CCDC178: variants seen among roughly 807,000 people sequenced by gnomAD.
The protein encoded by CCDC178 is coiled-coil domain containing 178.
Under a neutral mutation model 117.4 loss-of-function variants are expected in CCDC178, and 126 were observed. That is an observed-to-expected ratio of 1.07 (90% CI 0.93 to 1.24). CCDC178 has a LOEUF of 1.24. Ranked by LOEUF, CCDC178 falls within the 50% of genes most tolerant of loss-of-function variation. The pLI, the probability that CCDC178 is intolerant of heterozygous loss-of-function variation, is 0.00. For synonymous variants in CCDC178, 283 were observed against 313.4 expected (o/e 0.90, Z 1.02); for missense variants, 1,030 against 986.9 (o/e 1.04, Z -0.59).
In CCDC178 at chr18:33,348,975, C is replaced by T. The variant is rs754459022; in HGVS notation, c.372G>A (p.Trp124Ter). 1.3e-6 allele frequency: 2 copies of T among 1,597,998 alleles called. No individual in the cohort carries two copies. The highest frequency in any genetic ancestry group is 2.2e-5 in the South Asian group (2 of 88,988). The part of the protein sequence containing the change: ...LKRFETSFEE[W>*]SRTSSTKDLK... ...GGTCTTTTGTGGAAGAAGTTCTGCTCCTATATAATGGGAAAGAAGCAAGCA... is the reference window on the plus strand; with the variant it reads ...GGTCTTTTGTGGAAGAAGTTCTGCTTCTATATAATGGGAAAGAAGCAAGCA... The change falls in exon 8 of 23, where the codon TGG (tryptophan) becomes TGA (stop). Residue 124 changes from tryptophan to a stop codon, truncating the protein, a stop_gained and splice_region_variant. Transcript: ENST00000383096. LOFTEE classifies it high-confidence loss of function.
chr18:33,027,042 T>C (rs1015618383), intron 21 of CCDC178, among the ~76,000 whole-genome samples: 1 of 151,838 alleles, frequency 6.6e-6, no homozygotes, highest in African/African-American at 2.4e-5. Context: ...ATCTTGGGGA[T>C]TCAAAATAAT....
intron 11 of CCDC178, among the ~76,000 whole-genome samples, chr18:33,314,989 G>C (rs2144969472): frequency 6.6e-6 from 1 of 152,284 alleles, no homozygotes; most frequent in South Asian, 2.1e-4. Context: ...CCCCAGAGAA[G>C]TCAAAATGTT....
At chr18:33,192,901 CAA>C (rs3046443) in intron 20 of CCDC178, among the ~76,000 whole-genome samples, 16,440 of 96,220 alleles carry the variant, frequency 0.17, 1,046 homozygotes, top group African/African-American at 0.22. Flanking sequence ...AACTCCGTCT[CAA>C]AAAAAAAAAA....
intron 21 of CCDC178, among the ~76,000 whole-genome samples, chr18:33,018,170 G>C (rs988392194): frequency 6.6e-6 from 1 of 151,930 alleles, no homozygotes; most frequent in African/African-American, 2.4e-5. Context: ...TGACTAATAA[G>C]CACAGGTAAT....
At position 33,226,794 on chromosome 18, in the gene CCDC178, T is replaced by G; in HGVS notation, c.1655A>C (p.Gln552Pro). The change falls in exon 16 of 23, where the codon CAG becomes CCG. Residue 552 changes from glutamine (Q) to proline (P), a missense_variant and splice_region_variant. Physicochemically the swap from Gln to Pro is moderately conservative, Grantham distance 76. Transcript: ENST00000383096. ...QGEVAAGMVL[Q>P]KKLYSIYEVQ... ...ATATTAAAACCAAATCAGTATTACC[T>G]GAAGCACCATTCCAGCAGCCACTTC... 1 of 1,576,500 alleles carries G rather than the reference T, an allele frequency of 6.3e-7. No homozygotes were observed. Among genetic ancestry groups the G allele is most frequent in the Non-Finnish European group, 8.6e-7 (1 of 1,156,242 alleles).
At chr18:33,203,524 C>A (rs895402115) in intron 20 of CCDC178, among the ~76,000 whole-genome samples, 4 of 151,998 alleles carry the variant, frequency 2.6e-5, no homozygotes, top group Admixed American at 2.6e-4. Context: ...ACTTCATTAT[C>A]TTATTATTAT....
intron 21 of CCDC178, among the ~76,000 whole-genome samples, chr18:33,053,989 T>G (rs1217053525): frequency 6.6e-6 from 1 of 152,172 alleles, no homozygotes; most frequent in Non-Finnish European, 1.5e-5. Context: ...CTATTTATGC[T>G]CTAAAACTTA....
intron 21 of CCDC178, among the ~76,000 whole-genome samples, chr18:33,035,008 A>C (rs2056416733): frequency 1.3e-5 from 2 of 152,062 alleles, no homozygotes; most frequent in East Asian, 3.9e-4. Flanking sequence ...AATTACTTAA[A>C]AGGCAGTGTG....
At chr18:33,101,790 C>T (rs2057631956) in intron 20 of CCDC178, among the ~76,000 whole-genome samples, 1 of 151,848 alleles carries the variant, frequency 6.6e-6, no homozygotes, top group Non-Finnish European at 1.5e-5. Flanking sequence ...GGTTCCAGAA[C>T]ACATATTATG....
chr18:32,999,713 CT>C (rs1263500180), intron 21 of CCDC178, among the ~76,000 whole-genome samples: 1 of 152,084 alleles, frequency 6.6e-6, no homozygotes, highest in Non-Finnish European at 1.5e-5. Flanking sequence ...TGAGAAAATT[CT>C]TTTAGATTTT....
At chr18:33,374,406 A>G (rs995014989) in intron 5 of CCDC178, among the ~76,000 whole-genome samples, 1 of 152,216 alleles carries the variant, frequency 6.6e-6, no homozygotes, top group East Asian at 1.9e-4. Flanking sequence ...ATAGTCATCA[A>G]GAAAATGCAC....
At chr18:33,310,463 A>G (rs1485345898) in intron 11 of CCDC178, among the ~76,000 whole-genome samples, 1 of 152,120 alleles carries the variant, frequency 6.6e-6, no homozygotes, top group Non-Finnish European at 1.5e-5. Context: ...GGCCAAGGGT[A>G]GATTGCTTGA....
chr18:33,237,784 A>C (rs1313036142), intron 15 of CCDC178, among the ~76,000 whole-genome samples: 1 of 151,936 alleles, frequency 6.6e-6, no homozygotes, highest in Non-Finnish European at 1.5e-5. Flanking sequence ...AAAAAACAAA[A>C]AAAAAAACAT....
chr18:33,019,305 T>C (rs1243493005), intron 21 of CCDC178, among the ~76,000 whole-genome samples: 7 of 152,272 alleles, frequency 4.6e-5, no homozygotes, highest in East Asian at 1.9e-4. Flanking sequence ...AGCAAGTGAA[T>C]TGATAAAAAG....
At chr18:33,074,700 G>T (rs568136062) in intron 21 of CCDC178, among the ~76,000 whole-genome samples, 1 of 152,124 alleles carries the variant, frequency 6.6e-6, no homozygotes, top group African/African-American at 2.4e-5. Context: ...GTGGTAAACA[G>T]TGATCAAATA....
chr18:33,309,917 T>A (rs1292348155), intron 11 of CCDC178, among the ~76,000 whole-genome samples: 1 of 150,828 alleles, frequency 6.6e-6, no homozygotes, highest in East Asian at 1.9e-4. Context: ...AAATGATTGT[T>A]TTTTTTTTCT....
chr18:32,972,867 T>C (rs1194195732), intron 22 of CCDC178, among the ~76,000 whole-genome samples: 2 of 152,202 alleles, frequency 1.3e-5, no homozygotes, highest in South Asian at 2.1e-4. Flanking sequence ...AAATTGTATT[T>C]TCACATTTTT....
chr18:33,410,110 G>A (rs936054919), intron 3 of CCDC178, among the ~76,000 whole-genome samples: 1 of 152,182 alleles, frequency 6.6e-6, no homozygotes, highest in Non-Finnish European at 1.5e-5. Flanking sequence ...GCAAACGAGT[G>A]TAGACTGGAT....
At chr18:32,950,757 T>G (rs1218993765) in intron 22 of CCDC178, among the ~76,000 whole-genome samples, 3 of 152,170 alleles carry the variant, frequency 2.0e-5, no homozygotes, top group Non-Finnish European at 4.4e-5. Flanking sequence ...TTTAGTAATT[T>G]TAGGAAAATA....
Sources: gnomAD v4.1 joint callset for allele counts (sites outside exome capture counted in the v4.1 genomes callset) on GRCh38, gnomAD v4.1.1 for gene constraint, MANE v1.5 for transcripts, NCBI Gene and HGNC (gene_info 2026-07-23, HGNC 2026-07-21) for gene names.